KALRN: variants seen among roughly 807,000 people sequenced by gnomAD.
KALRN encodes kalirin.
Under a neutral mutation model 353.7 loss-of-function variants are expected in KALRN, and 70 were observed. The observed-to-expected ratio is 0.20, with a 90% CI of 0.16 to 0.24. The LOEUF is 0.24. Ranked by LOEUF, KALRN falls within the 10% of genes least tolerant of loss-of-function variation. The pLI is 1.00. For missense variants in KALRN, 2,791 were observed against 3,756.7 expected (o/e 0.74, Z 6.72); for synonymous variants, 1,391 against 1,434.8 (o/e 0.97, Z 0.69).
intron 26 of KALRN, among the ~76,000 whole-genome samples, chr3:124,475,741 T>C (rs1351319324): frequency 6.6e-6 from 1 of 152,156 alleles, no homozygotes; most frequent in Admixed American, 6.5e-5. Context: ...TCACAGCCAG[T>C]CCCACAACTC....
At chr3:124,460,252 C>A (rs943204498) in intron 23 of KALRN, among the ~76,000 whole-genome samples, 1 of 152,064 alleles carries the variant, frequency 6.6e-6, no homozygotes, top group Non-Finnish European at 1.5e-5. Flanking sequence ...ATTTCAGAGG[C>A]GTCATAATTC....
chr3:124,264,634 G>A lies in KALRN; in HGVS notation c.400G>A (p.Asp134Asn), dbSNP rs1180122748. 1.9e-6 allele frequency: 3 copies of A among 1,614,102 alleles called. No homozygotes were observed. Among genetic ancestry groups the A allele is most frequent in the South Asian group, 1.1e-5 (1 of 91,074 alleles). Residue 134 changes from aspartate (D) to asparagine (N), a missense_variant, in exon 4 of 60, where the codon GAC (aspartate) becomes AAC (asparagine). Physicochemically the swap from Asp to Asn is conservative, Grantham distance 23. Around this residue, in one of 11 missense-constraint regions of KALRN, gnomAD observed 110 missense variants for 204.1 expected, o/e 0.54. Coordinates refer to ENST00000682506, the MANE Select transcript of KALRN (RefSeq NM_001388419.1). ...EIHVALIIKP[D>N]NFWQKQKTNF... ...CCATGTGGCCCTCATCATTAAACCC[G>A]ACAACTTCTGGCAGAAACAGAAGAC...
intron 1 of KALRN, among the ~76,000 whole-genome samples, chr3:124,099,909 A>G (rs2061723599): frequency 6.6e-6 from 1 of 152,274 alleles, no homozygotes; most frequent in East Asian, 1.9e-4. Flanking sequence ...CATGCCTGTA[A>G]TTCCAGCACT....
intron 34 of KALRN, among the ~76,000 whole-genome samples, chr3:124,565,939 G>A (rs2072755354): frequency 6.6e-6 from 1 of 152,150 alleles, no homozygotes; most frequent in African/African-American, 2.4e-5. Context: ...AGGAGATGAA[G>A]ACCAGGAATG....
chr3:124,410,635 A>G (rs566089034), intron 13 of KALRN, among the ~76,000 whole-genome samples: 13 of 152,360 alleles, frequency 8.5e-5, no homozygotes, highest in South Asian at 2.1e-4. Context: ...ACTTAAAACC[A>G]TGATGAAATA....
intron 1 of KALRN, among the ~76,000 whole-genome samples, chr3:124,222,100 A>G (rs2077982545): frequency 6.6e-6 from 1 of 152,176 alleles, no homozygotes; most frequent in African/African-American, 2.4e-5. Context: ...CATCTTGGTG[A>G]CAGTATTTAT....
chr3:124,679,332 T>C, intron 50 of KALRN, 126 bp from the exon 51 acceptor site: 1 of 767,272 alleles, frequency 1.3e-6, no homozygotes, highest in Non-Finnish European at 2.2e-6. Flanking sequence ...TAAAAACACC[T>C]GGTTTTTTCT....
intron 34 of KALRN, among the ~76,000 whole-genome samples, chr3:124,564,278 C>T (rs187415829): frequency 6.6e-6 from 1 of 150,718 alleles, no homozygotes; most frequent in African/African-American, 2.4e-5. Context: ...CTACTCAGGG[C>T]ATGGTGAGGC....
intron 9 of KALRN, among the ~76,000 whole-genome samples, chr3:124,344,536 T>G (rs2082084536): frequency 6.6e-6 from 1 of 152,260 alleles, no homozygotes; most frequent in Non-Finnish European, 1.5e-5. Flanking sequence ...ATACTTCATA[T>G]ATTAACTATG....
chr3:124,136,033 C>G (rs753829893), intron 1 of KALRN, among the ~76,000 whole-genome samples: 1 of 152,150 alleles, frequency 6.6e-6, no homozygotes, highest in Non-Finnish European at 1.5e-5. Context: ...CCTGCATACC[C>G]TGTTACAGTC....
chr3:124,718,950 G>A lies in KALRN; in HGVS notation c.8441G>A (p.Arg2814Gln), dbSNP rs779085925. 1.9e-5 allele frequency: 31 copies of A among 1,614,136 alleles called. No homozygotes were observed. The East Asian group carries it at 2.0e-4, about 10-fold the overall frequency. ...IKPENLLIDL[R>Q]IPVPRVKLID... ...CCTGAAAACCTGCTCATTGACCTAC[G>A]GATTCCAGTGCCTCGAGTGAAGCTC... Residue 2814 changes from arginine to glutamine, a missense_variant, in exon 60 of 60, where the codon CGG (arginine) becomes CAG (glutamine). Arg to Gln is a conservative substitution (Grantham distance 43). Transcript: ENST00000682506.
chr3:124,587,780 A>T (rs1040523142), intron 34 of KALRN, among the ~76,000 whole-genome samples: 6 of 132,358 alleles, frequency 4.5e-5, no homozygotes, highest in Non-Finnish European at 3.0e-5. Context: ...ATCATGGTTC[A>T]CCACAACCAG....
intron 11 of KALRN, among the ~76,000 whole-genome samples, chr3:124,392,614 T>TC (rs1201703846): frequency 1.3e-5 from 2 of 149,294 alleles, no homozygotes; most frequent in South Asian, 4.2e-4. Context: ...TTTCTTTCTT[T>TC]TTTTTTTTTT....
intron 27 of KALRN, among the ~76,000 whole-genome samples, chr3:124,482,314 G>A (rs1025064109): frequency 6.6e-6 from 1 of 152,120 alleles, no homozygotes; most frequent in African/African-American, 2.4e-5. Flanking sequence ...GAGAAGGATG[G>A]TATTAATAAA....
At chr3:124,072,536 G>C (rs1458332235) in intron 1 of KALRN, among the ~76,000 whole-genome samples, 1 of 152,158 alleles carries the variant, frequency 6.6e-6, no homozygotes, top group African/African-American at 2.4e-5. Context: ...AGGTTTCCTG[G>C]AGGTAACAGT....
At chr3:124,270,271 T>G (rs2073989539) in intron 5 of KALRN, among the ~76,000 whole-genome samples, 1 of 152,226 alleles carries the variant, frequency 6.6e-6, no homozygotes, top group Non-Finnish European at 1.5e-5. Flanking sequence ...ATGTCTGATA[T>G]CATGGTTTTC....
At chr3:124,159,994 G>A (rs1008952680) in intron 1 of KALRN, among the ~76,000 whole-genome samples, 1 of 151,760 alleles carries the variant, frequency 6.6e-6, no homozygotes, top group Non-Finnish European at 1.5e-5. Context: ...AAGAAAATAA[G>A]AAATTGAATT....
intron 58 of KALRN, among the ~76,000 whole-genome samples, chr3:124,715,643 A>G (rs1444209855): frequency 6.6e-6 from 1 of 152,228 alleles, no homozygotes; most frequent in Non-Finnish European, 1.5e-5. Flanking sequence ...GGAAAGTAGA[A>G]GACACCAGTG....
intron 11 of KALRN, 26 bp from the exon 12 acceptor site, chr3:124,395,109 G>C: frequency 2.5e-6 from 4 of 1,591,604 alleles, no homozygotes; most frequent in Non-Finnish European, 3.4e-6. Flanking sequence ...TCTTCCCTGA[G>C]TGGAATCTCT....
Sources: gnomAD v4.1 joint callset for allele counts (sites outside exome capture counted in the v4.1 genomes callset) on GRCh38, gnomAD v4.1.1 for gene constraint, gnomAD v4.1.1 regional missense constraint, MANE v1.5 for transcripts, NCBI Gene and HGNC (gene_info 2026-07-23, HGNC 2026-07-21) for gene names.